The following FRMD4A variants were observed in gnomAD, a reference collection of about 807,000 sequenced individuals.
FRMD4A encodes FERM domain containing 4A.
Under a neutral mutation model 129.1 loss-of-function variants are expected in FRMD4A, and 29 were observed. The observed-to-expected ratio is 0.22, with a 90% CI of 0.17 to 0.31. The LOEUF (loss-of-function observed/expected upper bound fraction) is 0.31, where lower values mean the gene tolerates loss of function less well. Ranked by LOEUF, FRMD4A falls within the 10% of genes least tolerant of loss-of-function variation. The probability of loss-of-function intolerance (pLI) is 1.00; values close to 1 mark genes in which losing one functional copy is unlikely to be tolerated. For missense variants in FRMD4A, 1,272 were observed against 1,375.8 expected, an observed-to-expected ratio of 0.92 and a Z score of 1.19; for synonymous variants, 634 against 571.6, an observed-to-expected ratio of 1.11 and a Z score of -1.56.
chr10:14,163,499 T>C (rs1841012206), intron 2 of FRMD4A, among the ~76,000 whole-genome samples: 1 of 152,236 alleles, frequency 6.6e-6, no homozygotes, highest in Non-Finnish European at 1.5e-5. Flanking sequence ...CCATTTGTTT[T>C]CAGGAGAAAC....
intron 20 of FRMD4A, among the ~76,000 whole-genome samples, chr10:13,659,836 C>A (rs2082489371): frequency 6.9e-6 from 1 of 145,818 alleles, no homozygotes; most frequent in Non-Finnish European, 1.5e-5. Context: ...ATGGGAAAAA[C>A]AGAGAAGCAG....
chr10:14,193,234 G>T lies in FRMD4A; in HGVS notation c.45+136824C>A, dbSNP rs547275654. Among the ~76,000 whole-genome samples, 3 of 152,252 alleles carry T rather than the reference G, an allele frequency of 2.0e-5. No homozygotes were observed. In the East Asian group the frequency reaches 5.8e-4, roughly 29 times the overall value. On this transcript the variant is annotated intron_variant, in intron 2 of 24. Coordinates refer to ENST00000357447, the MANE Select transcript of FRMD4A (RefSeq NM_018027.5). ...TACCTTGCTTTCTCCCTGATAGGTTGCCTCTTAATTAATCAATCCATCAAC... is the reference window on the plus strand; with the variant it reads ...TACCTTGCTTTCTCCCTGATAGGTTTCCTCTTAATTAATCAATCCATCAAC...
intron 2 of FRMD4A, among the ~76,000 whole-genome samples, chr10:14,118,373 A>G (rs1838311219): frequency 6.6e-6 from 1 of 152,204 alleles, no homozygotes; most frequent in Non-Finnish European, 1.5e-5. Flanking sequence ...TTCTGCAGAA[A>G]TTTGATGGAA....
chr10:14,038,367 C>G (rs1833607241), intron 2 of FRMD4A, among the ~76,000 whole-genome samples: 1 of 152,184 alleles, frequency 6.6e-6, no homozygotes, highest in Non-Finnish European at 1.5e-5. Flanking sequence ...AGGCAATTTA[C>G]AAGAATCTTT....
chr10:14,300,654 G>T lies in FRMD4A; in HGVS notation c.45+29404C>A, dbSNP rs544589839. Among the ~76,000 whole-genome samples the T allele has an allele frequency of 1.9e-4, 29 of 152,280 alleles. No homozygotes were observed. In the South Asian group the frequency reaches 6.0e-3, roughly 32 times the overall value. The stretch of plus-strand genomic sequence containing the variant: ...TGAACATTAAAGTAATATTTAACAG[G>T]TCATTGATGTAAAATGGTGAAAGTA... On this transcript the variant is annotated intron_variant, in intron 2 of 24. Transcript: ENST00000357447.
intron 2 of FRMD4A, among the ~76,000 whole-genome samples, chr10:14,194,472 G>A (rs1324847628): frequency 6.6e-6 from 1 of 152,186 alleles, no homozygotes; most frequent in Non-Finnish European, 1.5e-5. Flanking sequence ...TTAGCCGGGC[G>A]TGGTGGCAGG....
chr10:14,138,442 G>A (rs192245573), intron 2 of FRMD4A, among the ~76,000 whole-genome samples: 164 of 152,290 alleles, frequency 1.1e-3, no homozygotes, highest in African/African-American at 2.0e-3. Context: ...TTCCTAACGC[G>A]TTGGGATAAT....
intron 2 of FRMD4A, among the ~76,000 whole-genome samples, chr10:14,127,995 T>TTC (rs1263396831): frequency 1.6e-5 from 2 of 122,780 alleles, no homozygotes; most frequent in African/African-American, 7.6e-5. Context: ...TCTCTCTCTC[T>TTC]CTCTCTTTCT....
At chr10:14,259,488 A>G (rs1243671747) in intron 2 of FRMD4A, among the ~76,000 whole-genome samples, 1 of 152,114 alleles carries the variant, frequency 6.6e-6, no homozygotes, top group Non-Finnish European at 1.5e-5. Context: ...CAGTATTCAT[A>G]CTCCTGCAAA....
At chr10:14,113,787 CGT>C (rs139348888) in intron 2 of FRMD4A, among the ~76,000 whole-genome samples, 9 of 151,896 alleles carry the variant, frequency 5.9e-5, no homozygotes, top group Admixed American at 2.0e-4. Context: ...CGCGTGTGTG[CGT>C]GTGTGTGTGT....
intron 2 of FRMD4A, among the ~76,000 whole-genome samples, chr10:14,200,858 G>A (rs1358797507): frequency 1.3e-5 from 2 of 152,194 alleles, no homozygotes; most frequent in African/African-American, 4.8e-5. Flanking sequence ...GGGCGTGGGA[G>A]GGAGACTGCA....
chr10:13,988,749 T>A (rs1162807549), intron 2 of FRMD4A, among the ~76,000 whole-genome samples: 10 of 152,226 alleles, frequency 6.6e-5, no homozygotes, highest in Non-Finnish European at 1.3e-4. Context: ...TGTAGATTTC[T>A]ATAGAGATCT....
At chr10:14,179,531 T>C (rs547422500) in intron 2 of FRMD4A, among the ~76,000 whole-genome samples, 1 of 152,338 alleles carries the variant, frequency 6.6e-6, no homozygotes, top group South Asian at 2.1e-4. Flanking sequence ...TTTGCTTTCA[T>C]TTATAATATA....
chr10:13,880,640 A>G (rs1450831240), intron 2 of FRMD4A, among the ~76,000 whole-genome samples: 1 of 151,824 alleles, frequency 6.6e-6, no homozygotes, highest in African/African-American at 2.4e-5. Flanking sequence ...CCTGGGTGCA[A>G]CCTCTCTTGT....
At chr10:13,894,493 G>A (rs548364186) in intron 2 of FRMD4A, among the ~76,000 whole-genome samples, 3 of 152,266 alleles carry the variant, frequency 2.0e-5, no homozygotes, top group African/African-American at 7.2e-5. Context: ...AGGTGGTCAC[G>A]CATCCGCGGA....
At chr10:13,863,565 G>C (rs1196280169) in intron 2 of FRMD4A, among the ~76,000 whole-genome samples, 2 of 152,122 alleles carry the variant, frequency 1.3e-5, no homozygotes, top group African/African-American at 2.4e-5. Flanking sequence ...ATTCTACCCT[G>C]GGTGACAGAG....
chr10:14,068,869 TCTCC>T lies in FRMD4A; in HGVS notation c.46-209961_46-209958del, dbSNP rs202231835. On this transcript the variant is annotated intron_variant, in intron 2 of 24. Coordinates refer to ENST00000357447, the MANE Select transcript of FRMD4A (RefSeq NM_018027.5). ...AGTGAGTTCATTCTCTCTCTCTCTT[TCTCC>T]CTCCCTCCCTCCCTCTCCCTCTCTT... 4.6e-3 allele frequency among the ~76,000 whole-genome samples: 696 copies of T among 151,736 alleles called. 9 individuals are homozygous for T. Among genetic ancestry groups the T allele is most frequent in the African/African-American group, 0.016 (657 of 41,352 alleles).
intron 2 of FRMD4A, among the ~76,000 whole-genome samples, chr10:13,925,061 GT>G (rs1323572404): frequency 1.1e-3 from 31 of 27,618 alleles, no homozygotes; most frequent in African/African-American, 4.3e-3. Flanking sequence ...GAGACTCCGT[GT>G]AAAAAAAAAA....
intron 3 of FRMD4A, among the ~76,000 whole-genome samples, chr10:13,818,492 A>C (rs117263308): frequency 6.6e-6 from 1 of 152,192 alleles, no homozygotes; most frequent in East Asian, 1.9e-4. Context: ...GTTATTATTA[A>C]ATTTAGCTTC....
Sources: allele counts gnomAD v4.1 joint callset (sites outside exome capture counted in the v4.1 genomes callset), GRCh38; gene constraint gnomAD v4.1.1; transcripts MANE v1.5; gene names NCBI Gene and HGNC (gene_info 2026-07-23, HGNC 2026-07-21).